PUS10: variants seen among roughly 807,000 people sequenced by gnomAD.
PUS10 encodes pseudouridine synthase 10, also known as tRNA pseudouridine synthase Pus10.
In PUS10, 59 loss-of-function variants were observed where a neutral mutation model predicts 75.0. The ratio of observed to expected loss-of-function variants is 0.79; its 90% confidence interval spans 0.64 to 0.98. The LOEUF is 0.98. Among genes scored for constraint, PUS10 ranks in the 50% least tolerant of loss-of-function variants. PUS10 has a pLI of 0.00. For missense variants in PUS10, 650 were observed against 614.4 expected (o/e 1.06, Z -0.61); for synonymous variants, 219 against 211.6 (o/e 1.03, Z -0.30).
chr2:60,965,270 A>T (rs149414078), intron 7 of PUS10, 153 bp downstream of exon 7: 1 of 977,352 alleles, frequency 1.0e-6, no homozygotes, highest in Admixed American at 2.1e-5. Flanking sequence ...ATGTTCAAGG[A>T]CACATTTTAT....
At chr2:60,980,083 A>G (rs1410375556) in intron 4 of PUS10, among the ~76,000 whole-genome samples, 1 of 152,220 alleles carries the variant, frequency 6.6e-6, no homozygotes, top group African/African-American at 2.4e-5. Context: ...GGGATCAGAA[A>G]AGACACAACA....
chr2:61,000,830 G>A (rs1014327374), intron 4 of PUS10, among the ~76,000 whole-genome samples: 1 of 152,102 alleles, frequency 6.6e-6, no homozygotes, highest in Non-Finnish European at 1.5e-5. Context: ...TCATCGCCAA[G>A]GTCTGATTTT....
intron 8 of PUS10, 45 bp from the exon 9 acceptor site, chr2:60,962,935 C>A: frequency 6.6e-7 from 1 of 1,507,094 alleles, no homozygotes; most frequent in Non-Finnish European, 8.8e-7. Flanking sequence ...ATTATCCAGA[C>A]AAGAAAACAT....
At chr2:60,957,515 C>T (rs1205062610) in intron 11 of PUS10, among the ~76,000 whole-genome samples, 1 of 152,240 alleles carries the variant, frequency 6.6e-6, no homozygotes, top group Non-Finnish European at 1.5e-5. Context: ...AAACATAACA[C>T]GGTGCTGTAC....
intron 4 of PUS10, among the ~76,000 whole-genome samples, chr2:60,976,016 C>A (rs959521490): frequency 1.3e-5 from 2 of 152,128 alleles, no homozygotes; most frequent in Non-Finnish European, 2.9e-5. Flanking sequence ...CCTACCTCGG[C>A]CTCTCAAAGT....
intron 3 of PUS10, 96 bp from the exon 4 acceptor site, chr2:61,006,739 C>A: frequency 1.1e-6 from 1 of 884,844 alleles, no homozygotes; most frequent in Non-Finnish European, 1.7e-6. Context: ...CAGGAGATGA[C>A]ATGGCAAAAC....
At chr2:61,011,629 C>T in intron 2 of PUS10, 136 bp downstream of exon 2, 1 of 583,364 alleles carries the variant, frequency 1.7e-6, no homozygotes, top group Non-Finnish European at 2.7e-6. Context: ...TTATGAATAT[C>T]ACTCATTTTA....
intron 4 of PUS10, among the ~76,000 whole-genome samples, chr2:60,981,077 G>C (rs891952252): frequency 1.3e-5 from 2 of 151,860 alleles, no homozygotes; most frequent in East Asian, 3.9e-4. Flanking sequence ...TTTTTTAGTA[G>C]AGATGGGGTT....
chr2:60,963,290 C>CT (rs1168919408), intron 8 of PUS10, among the ~76,000 whole-genome samples: 2 of 152,176 alleles, frequency 1.3e-5, no homozygotes, highest in African/African-American at 4.8e-5. Context: ...GCTACCTTTT[C>CT]TTTCCTACAT....
At chr2:61,008,216 C>T (rs1452646789) in intron 3 of PUS10, among the ~76,000 whole-genome samples, 1 of 151,116 alleles carries the variant, frequency 6.6e-6, no homozygotes, top group Non-Finnish European at 1.5e-5. Context: ...GGAGATCCTG[C>T]CTCTACAAAA....
chr2:60,989,566 C>G (rs908118301), intron 4 of PUS10, among the ~76,000 whole-genome samples: 6 of 152,126 alleles, frequency 3.9e-5, no homozygotes, highest in African/African-American at 1.2e-4. Flanking sequence ...AGACAGATAG[C>G]TCAGTATTCG....
At chr2:61,013,139 G>A (rs905781859) in intron 1 of PUS10, among the ~76,000 whole-genome samples, 3 of 151,694 alleles carry the variant, frequency 2.0e-5, no homozygotes, top group South Asian at 4.2e-4. Context: ...TGTATTCCCA[G>A]CTACTCAGAA....
chr2:61,002,239 T>C (rs1678900832), intron 4 of PUS10, among the ~76,000 whole-genome samples: 1 of 152,232 alleles, frequency 6.6e-6, no homozygotes, highest in Non-Finnish European at 1.5e-5. Flanking sequence ...AGAGAACCAC[T>C]ACTTTAGGAA....
In PUS10 at chr2:60,945,099, T is replaced by C. The variant is rs766993904; in HGVS notation, c.1461A>G (p.Lys487=). The part of the protein sequence containing the change: ...HLKTQAGTYI[K]EFVHGDFGRT... ...TCCCGAAGTCTCCATGTACAAACTC[T>C]TTAATGTAGCTGGGGTTTGTTTAAG... Residue 487 remains lysine, a synonymous_variant, in exon 17 of 18, where the codon AAA becomes AAG. Coordinates refer to ENST00000316752, the MANE Select transcript of PUS10 (RefSeq NM_144709.4). 1.9e-6 allele frequency: 3 copies of C among 1,612,342 alleles called. No individual in the cohort carries two copies. The highest frequency in any genetic ancestry group is 2.2e-5 in the South Asian group (2 of 91,038).
Position 60,945,214 on chromosome 2 carries a change from G to T in PUS10, c.1452-106C>A, listed in dbSNP as rs540011589. On this transcript the variant is annotated intron_variant, in intron 16 of 17. Coordinates refer to ENST00000316752, the MANE Select transcript of PUS10 (RefSeq NM_144709.4). ...AAGAGCAGAAATGTTACAAAAGAAAGGTTACTTCTGAGCTCTGACTTGTGT... is the reference window on the plus strand; with the variant it reads ...AAGAGCAGAAATGTTACAAAAGAAATGTTACTTCTGAGCTCTGACTTGTGT... 6 of 728,874 alleles carry T rather than the reference G, an allele frequency of 8.2e-6. No homozygotes were observed. The South Asian group carries it at 8.3e-5, about 10-fold the overall frequency. 45.2% of individuals were successfully genotyped at this position (728,874 alleles called of 1,614,324 possible).
At position 60,942,163 on chromosome 2, in the gene PUS10, T is replaced by A; in HGVS notation, c.*232A>T. The stretch of plus-strand genomic sequence containing the variant: ...TTATTCATAGTTTGGTTTGTGGGGG[T>A]GAAAGAGGGAATGAGAAAAATCCTA... On this transcript the variant is annotated 3_prime_UTR_variant, in exon 18 of 18. Coordinates refer to ENST00000316752, the MANE Select transcript of PUS10 (RefSeq NM_144709.4). 1 of 459,054 alleles carries A rather than the reference T, an allele frequency of 2.2e-6. No homozygotes were observed. The allele number at this position is 459,054 out of a possible 1,614,324, so 28.4% of individuals were successfully genotyped here.
intron 16 of PUS10, among the ~76,000 whole-genome samples, chr2:60,946,247 G>A (rs72809405): frequency 0.11 from 17,065 of 152,170 alleles, 1,290 homozygotes; most frequent in Non-Finnish European, 0.16. Flanking sequence ...AGAGGGACAA[G>A]GTTTAAGTCA....
intron 9 of PUS10, among the ~76,000 whole-genome samples, chr2:60,962,623 G>A (rs951645173): frequency 6.6e-6 from 1 of 151,910 alleles, no homozygotes; most frequent in African/African-American, 2.4e-5. Context: ...AAAGACGTTA[G>A]ACTTGATATT....
intron 15 of PUS10, among the ~76,000 whole-genome samples, chr2:60,950,746 A>G (rs181734713): frequency 6.6e-6 from 1 of 152,148 alleles, no homozygotes; most frequent in Non-Finnish European, 1.5e-5. Flanking sequence ...ATAGCTGTAT[A>G]ATATCCCAGT....
Sources: gnomAD v4.1 joint callset for allele counts (sites outside exome capture counted in the v4.1 genomes callset) on GRCh38, gnomAD v4.1.1 for gene constraint, MANE v1.5 for transcripts, NCBI Gene and HGNC (gene_info 2026-07-23, HGNC 2026-07-21) for gene names.